STPG1: variants seen among roughly 807,000 people sequenced by gnomAD.
STPG1 encodes O(6)-methylguanine-induced apoptosis 2.
Under a neutral mutation model 40.1 loss-of-function variants are expected in STPG1, and 33 were observed. The observed-to-expected ratio is 0.82, with a 90% CI of 0.62 to 1.10. STPG1 has a LOEUF of 1.10. Ranked by LOEUF, STPG1 falls within the 50% of genes least tolerant of loss-of-function variation. The pLI, the probability that STPG1 is intolerant of heterozygous loss-of-function variation, is 0.00. For missense variants in STPG1, 396 were observed against 415.1 expected, an observed-to-expected ratio of 0.95 and a Z score of 0.40; for synonymous variants, 150 against 155.0, an observed-to-expected ratio of 0.97 and a Z score of 0.24.
chr1:24,358,625 AG>A lies in STPG1; in HGVS notation c.929-7del. 6.2e-7 allele frequency: 1 copy of A among 1,610,290 alleles called. No homozygotes were observed. The highest frequency in any genetic ancestry group is 8.5e-7 in the Non-Finnish European group (1 of 1,176,694). On this transcript the variant is annotated splice_region_variant and splice_polypyrimidine_tract_variant and intron_variant, in intron 8 of 8. Coordinates refer to ENST00000337248, the MANE Select transcript of STPG1 (RefSeq NM_001199013.2). ...AAGCTCTGGCTTGTACGTAGCTGTG[AG>A]GGGACAGAGAGGCGGAGGCATTAAG...
At chr1:24,370,106 G>C (rs191476726) in intron 6 of STPG1, among the ~76,000 whole-genome samples, 88 of 152,288 alleles carry the variant, frequency 5.8e-4, no homozygotes, top group African/African-American at 2.1e-3. Context: ...GGGAAACTGA[G>C]ACTCAGAGAT....
chr1:24,368,032 T>C (rs773181176), intron 7 of STPG1, among the ~76,000 whole-genome samples: 2 of 152,150 alleles, frequency 1.3e-5, no homozygotes, highest in African/African-American at 4.8e-5. Flanking sequence ...CTTGTAGAGA[T>C]GCCGCATGCC....
intron 1 of STPG1, among the ~76,000 whole-genome samples, chr1:24,405,046 C>T (rs1360971548): frequency 2.0e-5 from 3 of 152,268 alleles, no homozygotes; most frequent in Non-Finnish European, 4.4e-5. Flanking sequence ...CAACCTCCAA[C>T]TCCCAGGTTC....
At position 24,374,244 on chromosome 1, in the gene STPG1, G is replaced by GTTTTTT. The variant is rs869037466; in HGVS notation, c.463-440_463-435dup. Among the ~76,000 whole-genome samples the GTTTTTT allele has an allele frequency of 8.4e-4, 78 of 93,276 alleles. 14 individuals are homozygous for GTTTTTT. Among genetic ancestry groups the GTTTTTT allele is most frequent in the African/African-American group, 2.4e-3 (51 of 21,088 alleles). 61.2% of individuals were successfully genotyped at this position (93,276 alleles called of 152,430 possible). A position where few individuals can be genotyped will look rare whatever the true frequency, so the allele number is the denominator to read the frequency against. ...CAGCAGAGATCACCGCTAGGAAAGT[G>GTTTTTT]TTTTTTTTTTTTGTTTTTTTTTTTT... On this transcript the variant is annotated intron_variant, in intron 5 of 8. Coordinates refer to ENST00000337248, the MANE Select transcript of STPG1 (RefSeq NM_001199013.2).
chr1:24,384,399 G>A (rs1642415946), intron 3 of STPG1, among the ~76,000 whole-genome samples: 1 of 152,202 alleles, frequency 6.6e-6, no homozygotes, highest in African/African-American at 2.4e-5. Flanking sequence ...GCGATTTCAT[G>A]TTCACCCCAC....
At chr1:24,369,533 A>G (rs1347673412) in intron 7 of STPG1, 141 bp downstream of exon 7, 2 of 847,878 alleles carry the variant, frequency 2.4e-6, no homozygotes, top group African/African-American at 1.7e-5. Flanking sequence ...ACTGAGCATC[A>G]TTATGTGTGA....
intron 7 of STPG1, among the ~76,000 whole-genome samples, chr1:24,362,962 T>C (rs1641219079): frequency 6.6e-6 from 1 of 152,212 alleles, no homozygotes; most frequent in Admixed American, 6.5e-5. Context: ...CTTCTCCTTG[T>C]TCTGGCTTGT....
chr1:24,361,163 T>C (rs532147), intron 7 of STPG1, 122 bp from the exon 8 acceptor site: 591,977 of 851,850 alleles, frequency 0.69, 208,760 homozygotes, highest in East Asian at 0.89. Flanking sequence ...GTCACGGCAC[T>C]GGGGCAGAGC....
intron 1 of STPG1, among the ~76,000 whole-genome samples, chr1:24,403,398 T>A (rs1209800640): frequency 6.6e-6 from 1 of 152,176 alleles, no homozygotes; most frequent in Non-Finnish European, 1.5e-5. Context: ...ATCAGGTAGT[T>A]CCAACTTTGT....
At chr1:24,389,409 T>C (rs1429023593) in intron 3 of STPG1, among the ~76,000 whole-genome samples, 2 of 151,954 alleles carry the variant, frequency 1.3e-5, no homozygotes, top group African/African-American at 4.8e-5. Flanking sequence ...TGTGGTGCAG[T>C]GTGTGGAAAG....
At chr1:24,405,151 T>A (rs1643366013) in intron 1 of STPG1, among the ~76,000 whole-genome samples, 1 of 152,150 alleles carries the variant, frequency 6.6e-6, no homozygotes, top group Non-Finnish European at 1.5e-5. Context: ...AGAGACAGGG[T>A]TTCACCATGT....
At position 24,401,243 on chromosome 1, in the gene STPG1, T is replaced by TC. The variant is rs1296246286; in HGVS notation, c.70+75dup. ...GTGGATATAACCCAGGACTTACTAT[T>TC]CCCCCCAAATTTGCTCTTATGTACT... On this transcript the variant is annotated intron_variant, in intron 2 of 8. Transcript: ENST00000337248. The TC allele has an allele frequency of 7.6e-6, 10 of 1,316,030 alleles. No homozygotes were observed. The East Asian group carries it at 1.6e-4, about 21-fold the overall frequency. 81.5% of individuals were successfully genotyped at this position (1,316,030 alleles called of 1,614,324 possible).
At chr1:24,386,879 T>A (rs550265843) in intron 3 of STPG1, among the ~76,000 whole-genome samples, 1 of 152,276 alleles carries the variant, frequency 6.6e-6, no homozygotes, top group Admixed American at 6.5e-5. Context: ...GGAAGAGAAC[T>A]CGCATTTACT....
chr1:24,380,020 C>T (rs1423007713), intron 4 of STPG1, among the ~76,000 whole-genome samples, 197 bp from the exon 5 acceptor site: 2 of 152,194 alleles, frequency 1.3e-5, no homozygotes, highest in Non-Finnish European at 2.9e-5. Context: ...CCTGTACTCG[C>T]TTCTGTAAAC....
At chr1:24,411,473 T>C (rs1429838205) in intron 1 of STPG1, among the ~76,000 whole-genome samples, 2 of 152,210 alleles carry the variant, frequency 1.3e-5, no homozygotes, top group East Asian at 1.9e-4. Flanking sequence ...AGGATCTTGC[T>C]GTGTCGTCCA....
chr1:24,384,032 G>T, intron 3 of STPG1, 29 bp from the exon 4 acceptor site: 4 of 1,355,128 alleles, frequency 3.0e-6, no homozygotes, highest in Non-Finnish European at 4.2e-6. Flanking sequence ...TGGTGTCATC[G>T]AGATACTTCA....
Position 24,413,698 on chromosome 1 carries a change from C to G in STPG1, c.-93G>C, listed in dbSNP as rs756389389. 1 of 152,304 alleles carries G rather than the reference C, an allele frequency of 6.6e-6. No individual in the cohort carries two copies. The highest frequency in any genetic ancestry group is 1.5e-5 in the Non-Finnish European group (1 of 68,106). 9.4% of individuals were successfully genotyped at this position (152,304 alleles called of 1,614,324 possible). A position where few individuals can be genotyped will look rare whatever the true frequency, so the allele number is the denominator to read the frequency against. On this transcript the variant is annotated 5_prime_UTR_variant, in exon 1 of 9. Transcript: ENST00000337248. The stretch of plus-strand genomic sequence containing the variant: ...CCTGGTCCGGTCCCGGCAGCTGAAT[C>G]TGGCCAGCCCAACCTCCCGGTCGCT...
rs999456170 is a variant in STPG1 at position 24,359,174 on chromosome 1, T to C, written c.929-555A>G. 1.3e-5 allele frequency among the ~76,000 whole-genome samples: 2 copies of C among 152,204 alleles called. No individual in the cohort carries two copies. Among genetic ancestry groups the C allele is most frequent in the Non-Finnish European group, 2.9e-5 (2 of 68,040 alleles). On this transcript the variant is annotated intron_variant, in intron 8 of 8. Transcript: ENST00000337248. The surrounding 1 kb of genome is among the most constrained non-coding windows in gnomAD (Gnocchi z 5.3). ...GTAGTCCAGGTATACCTGAGTTTAC[T>C]GGAAGCTGAGCAGGCAGATGCCGGC...
At chr1:24,371,751 A>G (rs1641755870) in intron 6 of STPG1, among the ~76,000 whole-genome samples, 1 of 152,246 alleles carries the variant, frequency 6.6e-6, no homozygotes, top group South Asian at 2.1e-4. Flanking sequence ...AAAATACAGA[A>G]AACAATGAAA....
Sources: allele counts gnomAD v4.1 joint callset (sites outside exome capture counted in the v4.1 genomes callset), GRCh38; gene constraint gnomAD v4.1.1; non-coding constraint Gnocchi (gnomAD v3.1); transcripts MANE v1.5; gene names NCBI Gene and HGNC (gene_info 2026-07-23, HGNC 2026-07-21).